The following STS variants were observed in gnomAD, a reference collection of about 807,000 sequenced individuals.
The protein encoded by STS is steroid sulfatase, also known as steryl-sulfatase.
A neutral mutation model predicts 26.8 loss-of-function variants in STS; 7 were observed. That is an observed-to-expected ratio of 0.26 (90% CI 0.15 to 0.49). STS has a LOEUF of 0.49. STS is among the 20% of genes least tolerant of loss of function. STS has a pLI of 0.98. For missense variants in STS, 434 were observed against 465.6 expected (o/e 0.93, Z 0.63); for synonymous variants, 199 against 189.4 (o/e 1.05, Z -0.42).
intron 7 of STS, among the ~76,000 whole-genome samples, chrX:7,295,112 C>T (rs1414963319): frequency 9.0e-6 from 1 of 111,709 alleles, no homozygotes; most frequent in African/African-American, 3.3e-5. Context: ...TAGAAAGGAA[C>T]GACATTAGAA....
chrX:7,249,988 C>T (rs184984104), intron 2 of STS, among the ~76,000 whole-genome samples: 13 of 110,878 alleles, frequency 1.2e-4, no homozygotes, highest in African/African-American at 4.3e-4. Context: ...AGTACAGTGG[C>T]GCCATCAGAG....
intron 2 of STS, among the ~76,000 whole-genome samples, chrX:7,215,122 C>T (rs1921251505): frequency 6.5e-5 from 5 of 77,061 alleles, no homozygotes; most frequent in South Asian, 1.1e-3. Flanking sequence ...TATATACACA[C>T]ACACACACAC....
rs771440377 is a variant in STS, at chrX:7,257,238, C to G, written c.138-4C>G. ...TCACAAATGCTATGATTCTTTTGTTCTAGGACTCCCAATATCGACCGGTTG... is the reference window on the plus strand; with the variant it reads ...TCACAAATGCTATGATTCTTTTGTTGTAGGACTCCCAATATCGACCGGTTG... On this transcript the variant is annotated splice_polypyrimidine_tract_variant and splice_region_variant and intron_variant, in intron 3 of 10. Transcript: ENST00000674429. 2 of 1,210,476 alleles carry G rather than the reference C, an allele frequency of 1.7e-6. No homozygotes were observed. The highest frequency in any genetic ancestry group is 2.2e-6 in the Non-Finnish European group (2 of 894,986).
At chrX:7,318,333 G>C (rs1302004734) in intron 8 of STS, among the ~76,000 whole-genome samples, 1 of 110,893 alleles carries the variant, frequency 9.0e-6, no homozygotes, top group Non-Finnish European at 1.9e-5. Context: ...GGCGCATCTC[G>C]CTTTCCACAC....
At chrX:7,340,398 G>A (rs1206314922) in intron 10 of STS, among the ~76,000 whole-genome samples, 14 of 111,824 alleles carry the variant, frequency 1.3e-4, no homozygotes, top group Non-Finnish European at 2.6e-4. Context: ...AATTTTTTGT[G>A]TCTTCCTTAC....
intron 1 of STS, among the ~76,000 whole-genome samples, chrX:7,175,283 C>A (rs187678106): frequency 1.1e-4 from 12 of 106,948 alleles, no homozygotes; most frequent in African/African-American, 4.1e-4. Context: ...CCCAGGAGTT[C>A]AAGACTAGCC....
At chrX:7,225,888 T>A in intron 2 of STS, among the ~76,000 whole-genome samples, 1 of 112,188 alleles carries the variant, frequency 8.9e-6, no homozygotes, top group Non-Finnish European at 1.9e-5. Flanking sequence ...CCTAGATGCA[T>A]CCCGGAATGT....
chrX:7,307,441 G>T (rs755350656), intron 8 of STS, among the ~76,000 whole-genome samples: 120 of 111,481 alleles, frequency 1.1e-3, no homozygotes, highest in Non-Finnish European at 1.9e-3. Context: ...GTGTTTATTT[G>T]CAGGGTTCCA....
rs760466687 is a variant in STS at position 7,353,364 on chromosome X, A to G, written c.*3103A>G. 8 of 111,623 alleles carry G rather than the reference A, an allele frequency of 7.2e-5. No individual in the cohort carries two copies. Among genetic ancestry groups the G allele is most frequent in the Non-Finnish European group, 1.5e-4 (8 of 53,172 alleles). 9.2% of individuals were successfully genotyped at this position (111,623 alleles called of 1,213,427 possible). A position where few individuals can be genotyped will look rare whatever the true frequency, so the allele number is the denominator to read the frequency against. ...TGTTTTATTTTATAATCAGAAGAAA[A>G]GGAAATGAACATTGGGGATTGAAAA... On this transcript the variant is annotated 3_prime_UTR_variant, in exon 11 of 11. Coordinates refer to ENST00000674429, the MANE Select transcript of STS (RefSeq NM_001320752.2).
At chrX:7,219,213 T>C (rs1421588835) in intron 2 of STS, among the ~76,000 whole-genome samples, 1 of 112,363 alleles carries the variant, frequency 8.9e-6, no homozygotes, top group African/African-American at 3.2e-5. Flanking sequence ...GTCTCTTATC[T>C]GACCATCTCA....
intron 10 of STS, among the ~76,000 whole-genome samples, chrX:7,344,315 G>C (rs1262931865): frequency 9.0e-6 from 1 of 111,555 alleles, no homozygotes; most frequent in African/African-American, 3.3e-5. Flanking sequence ...CTAGACTGTG[G>C]AGCAGCATCC....
In STS at chrX:7,341,817, A is replaced by C. The variant is rs762361822; in HGVS notation, c.1363+7710A>C. ...CTTTTTTTTTTTAAATTTATCCAAC[A>C]ATTTTTTTTTTTGAGATGGAGTTTT... On this transcript the variant is annotated intron_variant, in intron 10 of 10. Transcript: ENST00000674429. 1.5e-4 allele frequency among the ~76,000 whole-genome samples: 16 copies of C among 107,556 alleles called. No homozygotes were observed. In the East Asian group the frequency reaches 4.7e-3, roughly 31 times the overall value. 93.4% of individuals were successfully genotyped at this position (107,556 alleles called of 115,157 possible). A position where few individuals can be genotyped will look rare whatever the true frequency, so the allele number is the denominator to read the frequency against.
At chrX:7,293,966 T>A (rs1006163005) in intron 7 of STS, among the ~76,000 whole-genome samples, 2 of 110,505 alleles carry the variant, frequency 1.8e-5, no homozygotes, top group Non-Finnish European at 3.8e-5. Context: ...TAAAATAAAT[T>A]TAAAAAAAAT....
At chrX:7,305,296 C>A in intron 8 of STS, 113 bp downstream of exon 8, 1 of 983,421 alleles carries the variant, frequency 1.0e-6, no homozygotes, top group South Asian at 2.0e-5. Context: ...ATAGGTAGGA[C>A]TTCCTTGTGT....
intron 1 of STS, among the ~76,000 whole-genome samples, chrX:7,172,556 A>G (rs774738490): frequency 4.5e-5 from 5 of 111,549 alleles, no homozygotes; most frequent in Admixed American, 1.9e-4. Flanking sequence ...GGAGATGTGC[A>G]TAATTATTTC....
In STS at chrX:7,209,059, T is replaced by C. The variant is rs1292690434; in HGVS notation, c.-5+18051T>C. 2.7e-5 allele frequency among the ~76,000 whole-genome samples: 3 copies of C among 111,827 alleles called. No individual in the cohort carries two copies. The East Asian group carries it at 8.4e-4, about 31-fold the overall frequency. On this transcript the variant is annotated intron_variant, in intron 2 of 10. Transcript: ENST00000674429. ...CCCATCTCAAGATCCTTCATGGCAC[T>C]TGCCAAGTGCCCTTTGCCATGTAAG...
chrX:7,156,988 A>G (rs1933149047), intron 1 of STS, among the ~76,000 whole-genome samples: 2 of 111,755 alleles, frequency 1.8e-5, no homozygotes, highest in Non-Finnish European at 3.8e-5. Flanking sequence ...TCTAGACTTT[A>G]TGAAGCTGGC....
intron 1 of STS, among the ~76,000 whole-genome samples, chrX:7,156,907 C>T (rs777095364): frequency 9.0e-6 from 1 of 111,706 alleles, no homozygotes; most frequent in East Asian, 2.8e-4. Flanking sequence ...TGTGCCATAC[C>T]CTTTACTTTA....
chrX:7,254,246 A>G (rs979340183), intron 3 of STS, among the ~76,000 whole-genome samples: 3 of 112,302 alleles, frequency 2.7e-5, no homozygotes, highest in African/African-American at 9.7e-5. Context: ...CAACAAGGCA[A>G]TCAAACGAGA....
Sources: gnomAD v4.1 joint callset for allele counts (sites outside exome capture counted in the v4.1 genomes callset) on GRCh38, gnomAD v4.1.1 for gene constraint, MANE v1.5 for transcripts, NCBI Gene and HGNC (gene_info 2026-07-23, HGNC 2026-07-21) for gene names.